TMEFF2: variants seen among roughly 807,000 people sequenced by gnomAD.
The protein encoded by TMEFF2 is transmembrane protein with EGF like and two follistatin like domains 2.
In TMEFF2, 28 loss-of-function variants were observed where a neutral mutation model predicts 53.8. The ratio of observed to expected loss-of-function variants is 0.52; its 90% confidence interval spans 0.39 to 0.71. TMEFF2 has a LOEUF of 0.71. Ranked by LOEUF, TMEFF2 falls within the 30% of genes least tolerant of loss-of-function variation. TMEFF2 has a pLI of 0.00. For synonymous variants in TMEFF2, 162 were observed against 166.3 expected (o/e 0.97, Z 0.20); for missense variants, 353 against 455.2 (o/e 0.78, Z 2.04).
chr2:192,139,791 C>T (rs1690094442), intron 4 of TMEFF2, among the ~76,000 whole-genome samples: 1 of 152,126 alleles, frequency 6.6e-6, no homozygotes. Flanking sequence ...ATGCTGCTCC[C>T]TTTAACTATG....
chr2:192,092,355 T>A (rs1688809292), intron 4 of TMEFF2, among the ~76,000 whole-genome samples: 1 of 152,156 alleles, frequency 6.6e-6, no homozygotes, highest in South Asian at 2.1e-4. Flanking sequence ...AGAATTTACA[T>A]TTAACAAGTA....
At chr2:192,135,429 T>C (rs967218977) in intron 4 of TMEFF2, among the ~76,000 whole-genome samples, 1 of 152,166 alleles carries the variant, frequency 6.6e-6, no homozygotes, top group Non-Finnish European at 1.5e-5. Context: ...CAAAACCGTA[T>C]CCAGGCCATC....
At chr2:191,984,721 C>T (rs1685935571) in intron 7 of TMEFF2, among the ~76,000 whole-genome samples, 1 of 151,956 alleles carries the variant, frequency 6.6e-6, no homozygotes, top group Non-Finnish European at 1.5e-5. Context: ...TAGTTAGAAA[C>T]CCATTAGGGG....
chr2:192,122,262 T>G (rs1269972984), intron 4 of TMEFF2, among the ~76,000 whole-genome samples: 1 of 152,098 alleles, frequency 6.6e-6, no homozygotes, highest in African/African-American at 2.4e-5. Flanking sequence ...AAAACAGAAT[T>G]TGATTTTCTT....
chr2:192,046,016 C>G (rs1574322412), intron 5 of TMEFF2, among the ~76,000 whole-genome samples: 1 of 152,188 alleles, frequency 6.6e-6, no homozygotes, highest in East Asian at 1.9e-4. Context: ...TGGGTATATG[C>G]TCATGGAATT....
At chr2:192,066,409 C>T (rs772933475) in intron 4 of TMEFF2, among the ~76,000 whole-genome samples, 11 of 151,732 alleles carry the variant, frequency 7.2e-5, no homozygotes, top group South Asian at 4.2e-4. Context: ...TTAAACATAA[C>T]GGTTTACGGT....
chr2:192,017,696 C>G (rs2105856868), intron 5 of TMEFF2, among the ~76,000 whole-genome samples: 1 of 152,250 alleles, frequency 6.6e-6, no homozygotes, highest in East Asian at 1.9e-4. Flanking sequence ...TTTGCAGTTT[C>G]TCTATAGGCA....
At chr2:192,159,637 G>C (rs530840524) in intron 4 of TMEFF2, among the ~76,000 whole-genome samples, 1 of 152,228 alleles carries the variant, frequency 6.6e-6, no homozygotes, top group Non-Finnish European at 1.5e-5. Context: ...TTGAGCAATG[G>C]CTTACCCTAA....
chr2:192,164,978 C>CTGTGTGTGTGTGTGTGTGTGTG (rs71033662), intron 4 of TMEFF2, among the ~76,000 whole-genome samples: 16 of 145,210 alleles, frequency 1.1e-4, no homozygotes, highest in South Asian at 2.3e-4. Context: ...TGAATAAAAA[C>CTGTGTGTGTGTGTGTGTGTGTG]TGTGTGTGTG....
In TMEFF2 at chr2:192,012,398, A is replaced by G. The variant is rs955611122; in HGVS notation, c.537-13190T>C. Among the ~76,000 whole-genome samples, 12 of 152,188 alleles carry G rather than the reference A, an allele frequency of 7.9e-5. 1 individual carries two copies. Among genetic ancestry groups the G allele is most frequent in the Admixed American group, 4.6e-4 (7 of 15,278 alleles). ...TACCTTTGTCACTGACATAAGGTCT[A>G]CTGAGACTTGACAGTTATCAGGCAG... On this transcript the variant is annotated intron_variant, in intron 5 of 9. Coordinates refer to ENST00000272771, the MANE Select transcript of TMEFF2 (RefSeq NM_016192.4).
chr2:192,004,076 T>C (rs1269517625), intron 5 of TMEFF2, among the ~76,000 whole-genome samples: 2 of 152,220 alleles, frequency 1.3e-5, no homozygotes, highest in Non-Finnish European at 2.9e-5. Flanking sequence ...GTACAGTGCA[T>C]TACAAACATC....
At chr2:192,053,297 C>T (rs1687818952) in intron 5 of TMEFF2, among the ~76,000 whole-genome samples, 1 of 152,132 alleles carries the variant, frequency 6.6e-6, no homozygotes, top group African/African-American at 2.4e-5. Context: ...AACTCAAAAA[C>T]TCATCTAACT....
At chr2:192,121,025 C>T (rs959882909) in intron 4 of TMEFF2, among the ~76,000 whole-genome samples, 4 of 152,114 alleles carry the variant, frequency 2.6e-5, no homozygotes, top group African/African-American at 9.7e-5. Flanking sequence ...TGAGCCACCA[C>T]ACCCAGCCTG....
Position 192,086,618 on chromosome 2 carries a change from C to A in TMEFF2, c.440-28843G>T, listed in dbSNP as rs899347825. 3.9e-5 allele frequency among the ~76,000 whole-genome samples: 6 copies of A among 152,198 alleles called. No homozygotes were observed. The East Asian group carries it at 1.2e-3, about 29-fold the overall frequency. On this transcript the variant is annotated intron_variant, in intron 4 of 9. Coordinates refer to ENST00000272771, the MANE Select transcript of TMEFF2 (RefSeq NM_016192.4). ...ATAAGTTTGGGTTATAAAAAAAGTT[C>A]ATAGTAATAATCAAATTTTATGATC... is the stretch of plus-strand genomic sequence containing the variant.
intron 8 of TMEFF2, among the ~76,000 whole-genome samples, chr2:191,955,151 G>A (rs1482829635): frequency 1.2e-5 from 1 of 82,720 alleles, no homozygotes; most frequent in Non-Finnish European, 2.5e-5. Flanking sequence ...GGAGGGGGGA[G>A]GGAGGAAGAG....
intron 4 of TMEFF2, among the ~76,000 whole-genome samples, chr2:192,075,304 T>TATATATATAA (rs1688392550): frequency 5.8e-5 from 1 of 17,276 alleles, no homozygotes; most frequent in East Asian, 1.2e-3. Flanking sequence ...TATATATATA[T>TATATATATAA]ATATATATAT....
rs544039816 is a variant in TMEFF2 at position 191,957,186 on chromosome 2, T to C, written c.746-808A>G. 4.6e-5 allele frequency among the ~76,000 whole-genome samples: 7 copies of C among 152,350 alleles called. No individual in the cohort carries two copies. In the South Asian group the frequency reaches 1.4e-3, roughly 32 times the overall value. Reference sequence around the variant, plus strand: ...ATAGATATTTGAAATTTTTTGACCTTTGTTAGTCCAAAAACGTTTGCTTCA... The same window carrying C: ...ATAGATATTTGAAATTTTTTGACCTCTGTTAGTCCAAAAACGTTTGCTTCA... On this transcript the variant is annotated intron_variant, in intron 7 of 9. Transcript: ENST00000272771.
At chr2:192,056,367 A>G (rs1687909584) in intron 5 of TMEFF2, among the ~76,000 whole-genome samples, 1 of 151,804 alleles carries the variant, frequency 6.6e-6, no homozygotes. Context: ...GAGGGAAAGG[A>G]GGAGGAGGAG....
intron 4 of TMEFF2, chr2:192,177,762 T>A (rs1021304942): frequency 6.6e-6 from 1 of 151,070 alleles, no homozygotes; most frequent in Admixed American, 6.6e-5. Flanking sequence ...GTTATACATG[T>A]CATATTCATG....
Sources: gnomAD v4.1 joint callset for allele counts (sites outside exome capture counted in the v4.1 genomes callset) on GRCh38, gnomAD v4.1.1 for gene constraint, MANE v1.5 for transcripts, NCBI Gene and HGNC (gene_info 2026-07-23, HGNC 2026-07-21) for gene names.